The following TECTA variants were observed in gnomAD, a reference collection of about 807,000 sequenced individuals.
TECTA encodes the protein alpha-tectorin.
A neutral mutation model predicts 216.8 loss-of-function variants in TECTA; 128 were observed. That is an observed-to-expected ratio of 0.59 (90% CI 0.51 to 0.68). The LOEUF (loss-of-function observed/expected upper bound fraction) is 0.68. Among genes scored for constraint, TECTA ranks in the 30% least tolerant of loss-of-function variants. TECTA has a pLI of 0.00. For synonymous variants in TECTA, 1,089 were observed against 1,117.1 expected, an observed-to-expected ratio of 0.97 and a Z score of 0.50; for missense variants, 2,551 against 2,786.2, an observed-to-expected ratio of 0.92 and a Z score of 1.90.
At chr11:121,129,002 G>A (rs1269625865) in intron 9 of TECTA, among the ~76,000 whole-genome samples, 3 of 152,232 alleles carry the variant, frequency 2.0e-5, no homozygotes, top group African/African-American at 7.2e-5. Context: ...ACAGCTAATT[G>A]TTGCAGAACG....
chr11:121,157,937 G>A lies in TECTA; in HGVS notation c.4402G>A (p.Glu1468Lys), dbSNP rs1565532833. Residue 1468 changes from glutamate (E) to lysine (K), a missense_variant, in exon 14 of 24, where the codon GAG becomes AAG. Glu to Lys is a moderately conservative substitution (Grantham distance 56). Transcript: ENST00000392793. The stretch of plus-strand genomic sequence containing the variant: ...CGACCCGCGCCAATGCAAGTCAGAC[G>A]AGGAGTGTGCGCTGCGCAACGGGGT... ...QCDPRQCKSD[E>K]ECALRNGVRG... 2.5e-6 allele frequency: 4 copies of A among 1,614,106 alleles called. No individual in the cohort carries two copies. The highest frequency in any genetic ancestry group is 2.2e-5 in the East Asian group (1 of 44,884).
At chr11:121,135,603 G>A (rs1946718031) in intron 10 of TECTA, among the ~76,000 whole-genome samples, 1 of 152,192 alleles carries the variant, frequency 6.6e-6, no homozygotes, top group Admixed American at 6.5e-5. Flanking sequence ...AGGAAAAAAT[G>A]ATTGGCTTTC....
Position 121,129,891 on chromosome 11 carries a change from T to C in TECTA, c.2621T>C (p.Phe874Ser), listed in dbSNP as rs1282597047. The part of the protein sequence containing the change: ...NGKCTDNLAV[F>S]LESWTTFEEI... ...AAGTGCACGGACAACCTGGCAGTGT[T>C]CCTGGAAAGCTGGACAACTTTCGAG... The change falls in exon 10 of 24, where the codon TTC becomes TCC. Residue 874 changes from phenylalanine (F) to serine (S), a missense_variant. Phe to Ser is a radical substitution (Grantham distance 155). This residue lies in a region of TECTA where 2,375 missense variants were observed against 2,563.9 expected (regional missense o/e 0.93). Coordinates refer to ENST00000392793, the MANE Select transcript of TECTA (RefSeq NM_005422.4). The C allele has an allele frequency of 6.2e-7, 1 of 1,614,056 alleles. No homozygotes were observed. Among genetic ancestry groups the C allele is most frequent in the African/African-American group, 1.3e-5 (1 of 74,936 alleles).
chr11:121,119,175 C>T (rs771516200), intron 7 of TECTA, among the ~76,000 whole-genome samples: 1 of 152,116 alleles, frequency 6.6e-6, no homozygotes, highest in Non-Finnish European at 1.5e-5. Context: ...TAATAATCCT[C>T]ACCCCACCTC....
intron 10 of TECTA, among the ~76,000 whole-genome samples, chr11:121,132,967 C>G (rs186330421): frequency 6.6e-6 from 1 of 152,118 alleles, no homozygotes. Flanking sequence ...CTCCTGACCT[C>G]GTGATCCACC....
At chr11:121,111,900 C>G (rs1481102453) in intron 4 of TECTA, among the ~76,000 whole-genome samples, 1 of 152,128 alleles carries the variant, frequency 6.6e-6, no homozygotes, top group Admixed American at 6.5e-5. Flanking sequence ...AAGAAAAGTT[C>G]TTTACAAAAA....
At chr11:121,177,328 G>T (rs571384122) in intron 20 of TECTA, among the ~76,000 whole-genome samples, 1 of 152,296 alleles carries the variant, frequency 6.6e-6, no homozygotes, top group Non-Finnish European at 1.5e-5. Flanking sequence ...GGTCTTTGAT[G>T]ATGGTGATGT....
Position 121,118,353 on chromosome 11 carries a change from A to G in TECTA, c.838A>G (p.Thr280Ala), listed in dbSNP as rs779597120. 2.5e-6 allele frequency: 4 copies of G among 1,614,012 alleles called. No homozygotes were observed. Among genetic ancestry groups the G allele is most frequent in the Non-Finnish European group, 3.4e-6 (4 of 1,180,030 alleles). ...GGTGTTTTGGGATGACTTGAACTGC[A>G]CCGTCAAGTGCCGCTGTCTGGATTT... The part of the protein sequence containing the change: ...GEVFWDDLNC[T>A]VKCRCLDFNN... Residue 280 changes from threonine to alanine, a missense_variant, in exon 7 of 24, where the codon ACC becomes GCC. This residue lies in a region of TECTA where 2,375 missense variants were observed against 2,563.9 expected (regional missense o/e 0.93). Coordinates refer to ENST00000392793, the MANE Select transcript of TECTA (RefSeq NM_005422.4).
intron 11 of TECTA, among the ~76,000 whole-genome samples, chr11:121,140,041 C>T (rs553357546): frequency 1.3e-5 from 2 of 152,284 alleles, no homozygotes; most frequent in South Asian, 4.1e-4. Context: ...TACTTATCTC[C>T]TTGACATTCG....
chr11:121,138,325 A>G (rs1946752034), intron 11 of TECTA, among the ~76,000 whole-genome samples: 1 of 152,212 alleles, frequency 6.6e-6, no homozygotes, highest in Admixed American at 6.5e-5. Context: ...CGAGGTTAGC[A>G]TCCCTGCTTG....
intron 18 of TECTA, among the ~76,000 whole-genome samples, chr11:121,167,317 G>A (rs555983722): frequency 6.6e-6 from 1 of 152,200 alleles, no homozygotes; most frequent in Non-Finnish European, 1.5e-5. Context: ...GCCTGTAGTT[G>A]TGTCTACTTG....
chr11:121,158,714 A>G (rs897271994), intron 14 of TECTA, among the ~76,000 whole-genome samples: 1 of 151,926 alleles, frequency 6.6e-6, no homozygotes, highest in African/African-American at 2.4e-5. Flanking sequence ...CCATTATCCG[A>G]GGGCCCCGTG....
In TECTA at chr11:121,145,896, C is replaced by G; in HGVS notation, c.3885C>G (p.Ser1295=). 6.2e-7 allele frequency: 1 copy of G among 1,614,236 alleles called. No homozygotes were observed. Among genetic ancestry groups the G allele is most frequent in the Non-Finnish European group, 8.5e-7 (1 of 1,180,034 alleles). Reference sequence around the variant, plus strand: ...CCTGTGCCAAGGTGGAAGGTTTCTCCAAAGTGCAGCAGCTGTGCAGCCTGA... The same window carrying G: ...CCTGTGCCAAGGTGGAAGGTTTCTCGAAAGTGCAGCAGCTGTGCAGCCTGA... The part of the protein sequence containing the change: ...CPSCAKVEGF[S]KVQQLCSLIP... Residue 1295 remains serine, a synonymous_variant, in exon 12 of 24, where the codon TCC becomes TCG. Transcript: ENST00000392793.
chr11:121,111,140 A>G (rs1013680895), intron 4 of TECTA, among the ~76,000 whole-genome samples: 3 of 152,204 alleles, frequency 2.0e-5, no homozygotes, highest in Admixed American at 2.0e-4. Flanking sequence ...AGGAAGGAAA[A>G]CTAATATTTA....
chr11:121,168,292 T>C (rs1183696530), intron 19 of TECTA, 75 bp downstream of exon 19: 2 of 1,593,596 alleles, frequency 1.3e-6, no homozygotes, highest in Non-Finnish European at 1.7e-6. Flanking sequence ...TCAAAATTGC[T>C]AGCGTTTGTC....
intron 2 of TECTA, among the ~76,000 whole-genome samples, chr11:121,103,910 A>T (rs543190675): frequency 3.0e-4 from 45 of 152,318 alleles, no homozygotes; most frequent in African/African-American, 9.9e-4. Flanking sequence ...ACTAATTAGG[A>T]TCACCCACGA....
Position 121,190,948 on chromosome 11 carries a change from G to A in TECTA, c.*142G>A. On this transcript the variant is annotated 3_prime_UTR_variant, in exon 24 of 24. Transcript: ENST00000392793. Reference sequence around the variant, plus strand: ...ATGCCACCTGCCTCCAATGGTCCAAGGTCCAGAAACCAGCGACCATCCAAG... The same window carrying A: ...ATGCCACCTGCCTCCAATGGTCCAAAGTCCAGAAACCAGCGACCATCCAAG... 1.5e-6 allele frequency: 1 copy of A among 682,286 alleles called. No homozygotes were observed. Among genetic ancestry groups the A allele is most frequent in the Non-Finnish European group, 2.6e-6 (1 of 390,290 alleles). 42.3% of individuals were successfully genotyped at this position (682,286 alleles called of 1,614,324 possible).
At chr11:121,138,286 C>A (rs1223319721) in intron 11 of TECTA, among the ~76,000 whole-genome samples, 1 of 152,214 alleles carries the variant, frequency 6.6e-6, no homozygotes, top group Non-Finnish European at 1.5e-5. Flanking sequence ...TTTCGTATGG[C>A]AGCAGAGCAT....
At chr11:121,115,862 G>T (rs480761) in intron 6 of TECTA, among the ~76,000 whole-genome samples, 3 of 151,868 alleles carry the variant, frequency 2.0e-5, no homozygotes, top group Admixed American at 2.0e-4. Flanking sequence ...TCAGTATGTT[G>T]CCCAGGCTGG....
Sources: allele counts gnomAD v4.1 joint callset (sites outside exome capture counted in the v4.1 genomes callset), GRCh38; gene constraint gnomAD v4.1.1; regional missense constraint gnomAD v4.1.1; transcripts MANE v1.5; gene names NCBI Gene and HGNC (gene_info 2026-07-23, HGNC 2026-07-21).